SEMA6D: variants seen among roughly 807,000 people sequenced by gnomAD.
SEMA6D encodes the protein semaphorin-6D.
Under a neutral mutation model 106.6 loss-of-function variants are expected in SEMA6D, and 35 were observed. That is an observed-to-expected ratio of 0.33 (90% CI 0.25 to 0.44). SEMA6D has a LOEUF of 0.44. SEMA6D is among the 20% of genes least tolerant of loss of function. The probability of loss-of-function intolerance (pLI) is 1.00; values close to 1 mark genes in which losing one functional copy is unlikely to be tolerated. For synonymous variants in SEMA6D, 499 were observed against 487.7 expected (o/e 1.02, Z -0.31); for missense variants, 1,185 against 1,345.9 (o/e 0.88, Z 1.87).
chr15:47,467,019 G>A (rs1434069903), intron 2 of SEMA6D, among the ~76,000 whole-genome samples: 2 of 151,508 alleles, frequency 1.3e-5, no homozygotes, highest in Non-Finnish European at 2.9e-5. Context: ...ATGAGCTACT[G>A]CACCCAGCCT....
chr15:47,587,800 T>G (rs1015645544), intron 3 of SEMA6D, among the ~76,000 whole-genome samples: 2 of 152,132 alleles, frequency 1.3e-5, no homozygotes, highest in African/African-American at 4.8e-5. Context: ...TTCTTTTTTT[T>G]TTTTAATTGA....
At chr15:47,713,237 C>A (rs2079052894), upstream of SEMA6D, among the ~76,000 whole-genome samples, 1 of 152,056 alleles carries the variant, frequency 6.6e-6, no homozygotes, top group Non-Finnish European at 1.5e-5. Context: ...AAAAATTATT[C>A]ATGCTGAGGT....
intron 3 of SEMA6D, among the ~76,000 whole-genome samples, chr15:47,497,239 A>G (rs2043696903): frequency 6.6e-6 from 1 of 151,964 alleles, no homozygotes; most frequent in Non-Finnish European, 1.5e-5. Flanking sequence ...CTCTTCCTCC[A>G]TAAACCACTT....
At chr15:47,466,873 T>G (rs2042678827) in intron 2 of SEMA6D, among the ~76,000 whole-genome samples, 1 of 150,354 alleles carries the variant, frequency 6.7e-6, no homozygotes, top group African/African-American at 2.4e-5. Context: ...ATTATAGGAG[T>G]GTAGCACCAC....
chr15:47,647,093 G>C (rs917921540), intron 4 of SEMA6D, among the ~76,000 whole-genome samples: 3 of 152,090 alleles, frequency 2.0e-5, no homozygotes, highest in Admixed American at 2.0e-4. Context: ...AGCTTAGTAC[G>C]AGTTTTCCAA....
At chr15:47,357,336 A>C (rs2038622262) in intron 1 of SEMA6D, among the ~76,000 whole-genome samples, 1 of 152,010 alleles carries the variant, frequency 6.6e-6, no homozygotes, top group African/African-American at 2.4e-5. Context: ...CATCTCAAAA[A>C]ATAAATAAAT....
At chr15:47,289,182 T>C (rs2035495660) in intron 1 of SEMA6D, among the ~76,000 whole-genome samples, 1 of 151,602 alleles carries the variant, frequency 6.6e-6, no homozygotes, top group Non-Finnish European at 1.5e-5. Flanking sequence ...AATCACAAGG[T>C]CAGGAATTCG....
At chr15:47,559,662 G>T (rs1266664525) in intron 3 of SEMA6D, among the ~76,000 whole-genome samples, 2 of 152,088 alleles carry the variant, frequency 1.3e-5, no homozygotes, top group African/African-American at 2.4e-5. Context: ...GGACTGATAA[G>T]CAGTCCACAT....
chr15:47,760,371 T>C lies in SEMA6D; in HGVS notation c.177T>C (p.Phe59=), dbSNP rs778901567. 6.2e-7 allele frequency: 1 copy of C among 1,613,642 alleles called. No homozygotes were observed. Among genetic ancestry groups the C allele is most frequent in the Non-Finnish European group, 8.5e-7 (1 of 1,179,670 alleles). The change falls in exon 3 of 19, where the codon TTT becomes TTC. Residue 59 remains phenylalanine (F), a synonymous_variant. Transcript: ENST00000536845. ...ATGAATCGCAGCACAGGCTGGACTT[T>C]CAGCTGATGTTGAAAATTCGAGACA... ...SGNESQHRLD[F]QLMLKIRDTL...
intron 3 of SEMA6D, among the ~76,000 whole-genome samples, chr15:47,532,746 C>A (rs56880894): frequency 0.13 from 19,386 of 152,088 alleles, 2,160 homozygotes; most frequent in African/African-American, 0.3. Context: ...CTATTGATGG[C>A]AGATATTGAC....
chr15:47,447,349 C>T (rs1056052827), intron 2 of SEMA6D, among the ~76,000 whole-genome samples: 4 of 152,110 alleles, frequency 2.6e-5, no homozygotes, highest in Non-Finnish European at 5.9e-5. Context: ...CCACCCCCAA[C>T]CTCTGGGGAA....
chr15:47,469,106 T>C (rs1409014422), intron 2 of SEMA6D, among the ~76,000 whole-genome samples: 1 of 152,200 alleles, frequency 6.6e-6, no homozygotes, highest in Non-Finnish European at 1.5e-5. Context: ...GTGGGAGCTG[T>C]CTGCCCAGAG....
chr15:47,420,751 T>TGATC (rs1304188228), intron 2 of SEMA6D, among the ~76,000 whole-genome samples: 2 of 152,160 alleles, frequency 1.3e-5, no homozygotes, highest in African/African-American at 4.8e-5. Context: ...GCACTACCTA[T>TGATC]GATCAGTCAT....
chr15:47,603,153 C>A (rs368372690), intron 4 of SEMA6D, among the ~76,000 whole-genome samples: 31 of 152,082 alleles, frequency 2.0e-4, no homozygotes, highest in African/African-American at 7.0e-4. Context: ...AGGAGATAAA[C>A]TTCTTCATCA....
intron 1 of SEMA6D, among the ~76,000 whole-genome samples, chr15:47,750,865 C>CT (rs1399831873): frequency 1.2e-4 from 19 of 152,136 alleles, no homozygotes; most frequent in African/African-American, 4.3e-4. Context: ...CACACAGAAG[C>CT]TGCATGCATG....
At chr15:47,657,719 CTTTTTTTTTTTTTTTTTTTTT>C (rs71118191) in intron 4 of SEMA6D, among the ~76,000 whole-genome samples, 34 of 54,678 alleles carry the variant, frequency 6.2e-4, no homozygotes, top group Non-Finnish European at 8.5e-4. Flanking sequence ...GGCTTCATTT[CTTTTTTTTTTTTTTTTTTTTT>C]TTTTTTTTTT....
intron 2 of SEMA6D, among the ~76,000 whole-genome samples, chr15:47,420,853 G>A (rs1049752115): frequency 4.6e-5 from 7 of 152,062 alleles, no homozygotes; most frequent in African/African-American, 1.7e-4. Context: ...TGTGACCTTA[G>A]GGGCAGCTAT....
intron 1 of SEMA6D, among the ~76,000 whole-genome samples, chr15:47,310,391 G>A (rs1286807217): frequency 6.6e-6 from 1 of 152,090 alleles, no homozygotes; most frequent in African/African-American, 2.4e-5. Flanking sequence ...TTAAGCTATT[G>A]TTTGTGTTTG....
intron 5 of SEMA6D, 31 bp from the exon 6 acceptor site, chr15:47,761,299 C>CT (rs2082049345): frequency 1.2e-6 from 2 of 1,609,358 alleles, no homozygotes; most frequent in East Asian, 2.2e-5. Flanking sequence ...GTTCAAATGT[C>CT]TAATATTAAT....
Sources: allele counts gnomAD v4.1 joint callset (sites outside exome capture counted in the v4.1 genomes callset), GRCh38; gene constraint gnomAD v4.1.1; transcripts MANE v1.5; gene names NCBI Gene and HGNC (gene_info 2026-07-23, HGNC 2026-07-21).